The following STPG4 variants were observed in gnomAD, a reference collection of about 807,000 sequenced individuals.
STPG4 encodes the protein sperm-tail PG-rich repeat containing 4.
Under a neutral mutation model 31.5 loss-of-function variants are expected in STPG4, and 41 were observed. The observed-to-expected ratio is 1.30, with a 90% CI of 1.01 to 1.69. The LOEUF (loss-of-function observed/expected upper bound fraction) is 1.69, where lower values mean the gene tolerates loss of function less well. Ranked by LOEUF, STPG4 falls within the 40% of genes most tolerant of loss-of-function variation. The pLI, the probability that STPG4 is intolerant of heterozygous loss-of-function variation, is 0.00. For synonymous variants in STPG4, 141 were observed against 103.0 expected (o/e 1.37, Z -2.24); for missense variants, 375 against 293.4 (o/e 1.28, Z -2.03).
intron 5 of STPG4, among the ~76,000 whole-genome samples, chr2:47,125,691 T>C (rs1359133069): frequency 6.6e-6 from 1 of 151,944 alleles, no homozygotes; most frequent in South Asian, 2.1e-4. Context: ...ATGTTTTGTT[T>C]TGATAATTTC....
chr2:47,147,007 G>T (rs543771543), intron 3 of STPG4, among the ~76,000 whole-genome samples: 14 of 152,194 alleles, frequency 9.2e-5, no homozygotes. Context: ...ATGGTGGCTG[G>T]TGCGTGCTTA....
At chr2:47,129,670 T>C (rs866416388) in intron 5 of STPG4, 134 of 339,178 alleles carry the variant, frequency 4.0e-4, no homozygotes, top group African/African-American at 2.5e-3. Flanking sequence ...GGGAGGGTAG[T>C]GTCAGTAATT....
chr2:47,102,209 C>A (rs6707133), intron 5 of STPG4, among the ~76,000 whole-genome samples: 29,442 of 141,886 alleles, frequency 0.21, 3,180 homozygotes, highest in Admixed American at 0.29. Flanking sequence ...CGCAACTATT[C>A]CAATCAGCAG....
chr2:47,095,033 C>A (rs529086119), intron 5 of STPG4, among the ~76,000 whole-genome samples: 2 of 152,306 alleles, frequency 1.3e-5, no homozygotes, highest in Non-Finnish European at 2.9e-5. Flanking sequence ...ATGCCAGATG[C>A]CTCCTAGAGA....
Position 47,151,260 on chromosome 2 carries a change from G to C in STPG4, c.397C>G (p.Gln133Glu). ...GCAATCTGCCAGTAGCGCTTTACCT[G>C]ATCTTTGTCAACTAGTGTGCTGGGG... ...PSPSTLVDKD[Q>E]SLQLSPGQYN... Residue 133 changes from glutamine to glutamate, a missense_variant and splice_region_variant, in exon 3 of 7, where the codon CAG (glutamine) becomes GAG (glutamate). Gln to Glu is a conservative substitution (Grantham distance 29). Coordinates refer to ENST00000445927, the MANE Select transcript of STPG4 (RefSeq NM_001163561.2). 1 of 1,614,134 alleles carries C rather than the reference G, an allele frequency of 6.2e-7. No homozygotes were observed. The highest frequency in any genetic ancestry group is 2.2e-5 in the East Asian group (1 of 44,892).
chr2:47,093,643 C>T (rs763335801), intron 5 of STPG4, among the ~76,000 whole-genome samples: 1 of 152,182 alleles, frequency 6.6e-6, no homozygotes, highest in Non-Finnish European at 1.5e-5. Context: ...GCCTGGGAGT[C>T]CAGGCATGAA....
chr2:47,143,024 G>C (rs74179081), intron 3 of STPG4, among the ~76,000 whole-genome samples: 5,686 of 151,770 alleles, frequency 0.037, 180 homozygotes, highest in African/African-American at 0.087. Context: ...ATTTTTAGTA[G>C]AGATGGGATT....
At chr2:47,094,065 G>C (rs940249253) in intron 5 of STPG4, among the ~76,000 whole-genome samples, 1 of 152,212 alleles carries the variant, frequency 6.6e-6, no homozygotes, top group South Asian at 2.1e-4. Flanking sequence ...CCTTAAAGCT[G>C]AGCACTCTGC....
intron 5 of STPG4, among the ~76,000 whole-genome samples, chr2:47,114,541 A>G (rs185073948): frequency 1.2e-3 from 190 of 152,224 alleles, no homozygotes; most frequent in African/African-American, 4.5e-3. Context: ...ATAAAAGACT[A>G]TGCATCGTCT....
At chr2:47,120,230 C>T (rs1686238863) in intron 5 of STPG4, among the ~76,000 whole-genome samples, 1 of 152,176 alleles carries the variant, frequency 6.6e-6, no homozygotes, top group South Asian at 2.1e-4. Context: ...ACTAGGGAGG[C>T]TGAGGCAGGA....
rs753210831 is a variant in STPG4 at position 47,090,299 on chromosome 2, T to G, written c.595A>C (p.Arg199=). ...TSSVTSCFQS[R]VPRFLPSCSK... ...CAGCTGGGCAAGAATCGAGGGACTC[T>G]GGATTGAAAACAAGAAGTGACAGAG... The change falls in exon 6 of 7, where the codon AGA becomes CGA. Residue 199 remains arginine (R), a synonymous_variant. Coordinates refer to ENST00000445927, the MANE Select transcript of STPG4 (RefSeq NM_001163561.2). 7.7e-6 allele frequency: 12 copies of G among 1,551,658 alleles called. No individual in the cohort carries two copies. The highest frequency in any genetic ancestry group is 9.6e-6 in the Non-Finnish European group (11 of 1,146,938).
At chr2:47,094,237 T>A (rs560018369) in intron 5 of STPG4, among the ~76,000 whole-genome samples, 2 of 152,346 alleles carry the variant, frequency 1.3e-5, no homozygotes, top group Non-Finnish European at 2.9e-5. Context: ...GTCAGGGTCA[T>A]GCTTTGGCAA....
At chr2:47,090,175 C>A (rs184627300) in intron 6 of STPG4, 95 bp downstream of exon 6, 2 of 797,956 alleles carry the variant, frequency 2.5e-6, no homozygotes, top group Non-Finnish European at 4.2e-6. Flanking sequence ...CATCTCACCA[C>A]CACCCCGCAC....
At chr2:47,131,896 G>C (rs1573185171) in intron 3 of STPG4, among the ~76,000 whole-genome samples, 5 of 152,118 alleles carry the variant, frequency 3.3e-5, no homozygotes, top group Admixed American at 2.0e-4. Flanking sequence ...GACAGGAGAG[G>C]CTTAATGCCT....
intron 3 of STPG4, among the ~76,000 whole-genome samples, chr2:47,149,292 C>G (rs1247267784): frequency 1.3e-5 from 2 of 152,202 alleles, no homozygotes; most frequent in Non-Finnish European, 1.5e-5. Context: ...TATTGTGTAA[C>G]TCCATCCTTG....
chr2:47,089,489 C>T (rs1478861416), intron 6 of STPG4, among the ~76,000 whole-genome samples: 1 of 152,190 alleles, frequency 6.6e-6, no homozygotes, highest in Non-Finnish European at 1.5e-5. Context: ...CCTTCTAGCC[C>T]CTTGACTCCC....
At chr2:47,128,447 T>G (rs967206608) in intron 5 of STPG4, among the ~76,000 whole-genome samples, 1 of 152,182 alleles carries the variant, frequency 6.6e-6, no homozygotes, top group Non-Finnish European at 1.5e-5. Context: ...AGCCAGGGCC[T>G]GGAGTCAGGA....
At chr2:47,144,965 C>T (rs534764171) in intron 3 of STPG4, among the ~76,000 whole-genome samples, 109 of 152,276 alleles carry the variant, frequency 7.2e-4, no homozygotes, top group African/African-American at 2.4e-3. Context: ...CTCTTGACCT[C>T]GTGATCCGCC....
At chr2:47,149,083 T>G (rs1686884512) in intron 3 of STPG4, among the ~76,000 whole-genome samples, 1 of 152,204 alleles carries the variant, frequency 6.6e-6, no homozygotes, top group Non-Finnish European at 1.5e-5. Context: ...GACTAAACAA[T>G]GTTTATGTTT....
Sources: gnomAD v4.1 joint callset for allele counts (sites outside exome capture counted in the v4.1 genomes callset) on GRCh38, gnomAD v4.1.1 for gene constraint, MANE v1.5 for transcripts, NCBI Gene and HGNC (gene_info 2026-07-23, HGNC 2026-07-21) for gene names.